The following MYO10 variants were observed in gnomAD, a reference collection of about 807,000 sequenced individuals.
MYO10 encodes unconventional myosin-X.
Under a neutral mutation model 257.3 loss-of-function variants are expected in MYO10, and 133 were observed. That is an observed-to-expected ratio of 0.52 (90% CI 0.45 to 0.60). MYO10 has a LOEUF of 0.60. MYO10 is among the 20% of genes least tolerant of loss of function. The probability of loss-of-function intolerance (pLI) is 0.00; values close to 1 mark genes in which losing one functional copy is unlikely to be tolerated. For synonymous variants in MYO10, 1,104 were observed against 1,028.6 expected (o/e 1.07, Z -1.40); for missense variants, 2,399 against 2,635.7 (o/e 0.91, Z 1.97).
chr5:16,857,041 G>T (rs1370915971), intron 2 of MYO10, among the ~76,000 whole-genome samples: 2 of 152,180 alleles, frequency 1.3e-5, no homozygotes, highest in African/African-American at 2.4e-5. Context: ...TTAAAAATAG[G>T]CATTATATGT....
At position 16,822,160 on chromosome 5, in the gene MYO10, C is replaced by T. The variant is rs143213219; in HGVS notation, c.121-3993G>A. 8.4e-4 allele frequency among the ~76,000 whole-genome samples: 128 copies of T among 152,130 alleles called. 2 individuals carry two copies. In the East Asian group the frequency reaches 0.021, roughly 25 times the overall value. The stretch of plus-strand genomic sequence containing the variant: ...TTGGGGAGAGCATCAGGAAGAATAG[C>T]TAATGGATGCTGGGCTTAAGACCTA... On this transcript the variant is annotated intron_variant, in intron 2 of 40. Transcript: ENST00000513610.
chr5:16,833,782 A>G (rs1743225872), intron 2 of MYO10, among the ~76,000 whole-genome samples: 1 of 152,186 alleles, frequency 6.6e-6, no homozygotes, highest in South Asian at 2.1e-4. Context: ...TAATATAAGA[A>G]TAATCCAAAT....
chr5:16,820,079 G>T (rs1742751990), intron 2 of MYO10, among the ~76,000 whole-genome samples: 1 of 152,218 alleles, frequency 6.6e-6, no homozygotes, highest in South Asian at 2.1e-4. Flanking sequence ...CAGAGGCCTG[G>T]GGCCACCTAG....
In MYO10 at chr5:16,742,159, G is replaced by C. The variant is rs1039148942; in HGVS notation, c.1929+12669C>G. On this transcript the variant is annotated intron_variant, in intron 19 of 40. Transcript: ENST00000513610. ...TAATTTTTTTTTAAAAAAAGTCCCA[G>C]GACAAAATCAAGCAGTTTAGTTGTG... 9.1e-6 allele frequency: 9 copies of C among 985,182 alleles called. No individual in the cohort carries two copies. In the African/African-American group the frequency reaches 1.2e-4, roughly 13 times the overall value. 61.0% of individuals were successfully genotyped at this position (985,182 alleles called of 1,614,324 possible). A position where few individuals can be genotyped will look rare whatever the true frequency, so the allele number is the denominator to read the frequency against.
At chr5:16,761,942 C>A in intron 16 of MYO10, 103 bp downstream of exon 16, 1 of 1,229,736 alleles carries the variant, frequency 8.1e-7, no homozygotes. Context: ...CTCATGTGAG[C>A]CACCATGCCC....
At position 16,880,219 on chromosome 5, in the gene MYO10, A is replaced by G. The variant is rs148939483; in HGVS notation, c.22-2512T>C. On this transcript the variant is annotated intron_variant, in intron 1 of 40. Transcript: ENST00000513610. ...AAGTAAATAAAATCCACAAGCCAGG[A>G]CCTCAAATGTTAACTGTTACTCGGG... is the stretch of plus-strand genomic sequence containing the variant. Among the ~76,000 whole-genome samples, 1,226 of 149,370 alleles carry G rather than the reference A, an allele frequency of 8.2e-3. 10 individuals carry two copies. Among genetic ancestry groups the G allele is most frequent in the Middle Eastern group, 0.014 (4 of 292 alleles).
intron 9 of MYO10, among the ~76,000 whole-genome samples, chr5:16,779,043 GT>G (rs1741322916): frequency 6.6e-6 from 1 of 152,152 alleles, no homozygotes; most frequent in Admixed American, 6.6e-5. Flanking sequence ...ACGTGTCCCT[GT>G]GCCTAAGTTT....
intron 4 of MYO10, among the ~76,000 whole-genome samples, chr5:16,783,878 G>A (rs768126475): frequency 1.3e-5 from 2 of 152,160 alleles, no homozygotes; most frequent in African/African-American, 4.8e-5. Context: ...CTTAAAGCAG[G>A]TACACATGAA....
chr5:16,771,313 CATTTATACA>C (rs1249104920), intron 9 of MYO10, among the ~76,000 whole-genome samples: 4 of 151,816 alleles, frequency 2.6e-5, no homozygotes, highest in Admixed American at 2.6e-4. Flanking sequence ...AGAAAAGAGA[CATTTATACA>C]ATGGTTGTTA....
At chr5:16,779,424 G>T (rs1035880048) in intron 9 of MYO10, 121 bp downstream of exon 9, 2 of 592,768 alleles carry the variant, frequency 3.4e-6, no homozygotes, top group East Asian at 6.2e-5. Context: ...CTCACCCACT[G>T]GTCCAAATGG....
chr5:16,899,461 C>T (rs1745312927), intron 1 of MYO10, among the ~76,000 whole-genome samples: 1 of 151,510 alleles, frequency 6.6e-6, no homozygotes, highest in African/African-American at 2.4e-5. Flanking sequence ...ATGGTGAAAC[C>T]CCCGTCTCTA....
At chr5:16,788,966 C>T (rs180789025) in intron 4 of MYO10, among the ~76,000 whole-genome samples, 2 of 152,226 alleles carry the variant, frequency 1.3e-5, no homozygotes, top group Non-Finnish European at 1.5e-5. Context: ...GCAGCAATGT[C>T]CTCGGGTGAG....
chr5:16,760,617 T>G (rs1216095557), intron 17 of MYO10, among the ~76,000 whole-genome samples: 1 of 152,160 alleles, frequency 6.6e-6, no homozygotes, highest in Non-Finnish European at 1.5e-5. Flanking sequence ...TGTAATAAAT[T>G]TATAATTATA....
At position 16,925,826 on chromosome 5, in the gene MYO10, C is replaced by T. The variant is rs116248958; in HGVS notation, c.21+9962G>A. On this transcript the variant is annotated intron_variant, in intron 1 of 40. Coordinates refer to ENST00000513610, the MANE Select transcript of MYO10 (RefSeq NM_012334.3). ...CAGCAATAATGACTCACATAGACTG[C>T]CTGGTTATCTCTTATCCAGAAGTCT... 8.6e-3 allele frequency among the ~76,000 whole-genome samples: 1,313 copies of T among 152,236 alleles called. 25 individuals carry two copies. The highest frequency in any genetic ancestry group is 0.03 in the African/African-American group (1,242 of 41,532).
At chr5:16,779,962 C>T (rs2126668029) in intron 8 of MYO10, among the ~76,000 whole-genome samples, 1 of 152,238 alleles carries the variant, frequency 6.6e-6, no homozygotes, top group Admixed American at 6.5e-5. Flanking sequence ...AGTGCAGTGG[C>T]ACAATCTCAG....
At chr5:16,825,966 G>A (rs899093280) in intron 2 of MYO10, among the ~76,000 whole-genome samples, 3 of 151,990 alleles carry the variant, frequency 2.0e-5, no homozygotes, top group Non-Finnish European at 4.4e-5. Context: ...TGGTCAACAC[G>A]GTGAAACCCT....
chr5:16,677,950 A>G (rs914104167), intron 33 of MYO10, among the ~76,000 whole-genome samples: 3 of 151,658 alleles, frequency 2.0e-5, no homozygotes, highest in Non-Finnish European at 4.4e-5. Context: ...CACAAGAGAC[A>G]GGGTTTCATC....
At chr5:16,871,314 C>T (rs1744450606) in intron 2 of MYO10, among the ~76,000 whole-genome samples, 1 of 152,140 alleles carries the variant, frequency 6.6e-6, no homozygotes, top group African/African-American at 2.4e-5. Flanking sequence ...GACTCTGACT[C>T]CTTCAAGAAT....
chr5:16,775,188 T>C lies in MYO10; in HGVS notation c.930+4357A>G, dbSNP rs111412745. Among the ~76,000 whole-genome samples, 395 of 152,318 alleles carry C rather than the reference T, an allele frequency of 2.6e-3. 1 individual carries two copies. Among genetic ancestry groups the C allele is most frequent in the African/African-American group, 9.2e-3 (384 of 41,568 alleles). ...CTGACCTAACACTTTAAGGGGCAAT[T>C]TGAAGGGCTGTATAAGAAATGCCTA... On this transcript the variant is annotated intron_variant, in intron 9 of 40. Transcript: ENST00000513610.
Sources: allele counts gnomAD v4.1 joint callset (sites outside exome capture counted in the v4.1 genomes callset), GRCh38; gene constraint gnomAD v4.1.1; transcripts MANE v1.5; gene names NCBI Gene and HGNC (gene_info 2026-07-23, HGNC 2026-07-21).